Variants in DDX21 observed in about 807,000 individuals in gnomAD.
DDX21 encodes DExD-box helicase 21.
A neutral mutation model predicts 90.0 loss-of-function variants in DDX21; 18 were observed. The ratio of observed to expected loss-of-function variants is 0.20; its 90% CI spans 0.14 to 0.30. The LOEUF is 0.30. Among genes scored for constraint, DDX21 ranks in the 10% least tolerant of loss-of-function variants. DDX21 has a pLI of 1.00. For missense variants in DDX21, 673 were observed against 944.5 expected (o/e 0.71, Z 3.77); for synonymous variants, 294 against 318.0 (o/e 0.92, Z 0.80).
intron 1 of DDX21, 51 bp from the exon 2 acceptor site, chr10:68,959,755 T>C: frequency 7.8e-7 from 1 of 1,274,690 alleles, no homozygotes; most frequent in Non-Finnish European, 1.1e-6. Context: ...ATGTTGCAAA[T>C]GTATAAATGC....
At chr10:68,962,244 G>A (rs1448791963) in intron 3 of DDX21, 87 bp downstream of exon 3, 2 of 1,015,102 alleles carry the variant, frequency 2.0e-6, no homozygotes, top group Non-Finnish European at 3.0e-6. Context: ...GAACCAGGAT[G>A]TATTCTTATT....
chr10:68,956,550 A>C (rs531195964), intron 1 of DDX21: 2 of 1,361,452 alleles, frequency 1.5e-6, no homozygotes, highest in South Asian at 3.1e-5. Context: ...CTGAGCTTAT[A>C]GGCATCCACA....
chr10:68,960,704 C>T (rs779640394), intron 2 of DDX21, among the ~76,000 whole-genome samples: 1 of 151,348 alleles, frequency 6.6e-6, no homozygotes, highest in Non-Finnish European at 1.5e-5. Flanking sequence ...CCCAGGTGAT[C>T]TGCCCGCCTG....
intron 8 of DDX21, 39 bp from the exon 9 acceptor site, chr10:68,971,852 T>C: frequency 1.3e-6 from 2 of 1,597,522 alleles, no homozygotes; most frequent in Non-Finnish European, 8.6e-7. Context: ...ACTTGTATTG[T>C]TGGAACTGGT....
At chr10:68,973,479 A>G in intron 9 of DDX21, 66 bp from the exon 10 acceptor site, 2 of 1,588,296 alleles carry the variant, frequency 1.3e-6, no homozygotes. Context: ...ACTGACCTGC[A>G]TAGGCTACTC....
intron 4 of DDX21, 78 bp from the exon 5 acceptor site, chr10:68,965,299 G>A (rs937068306): frequency 2.7e-6 from 3 of 1,127,566 alleles, no homozygotes; most frequent in Admixed American, 2.0e-5. Context: ...TTCTTTTCCT[G>A]GAATGCTGTT....
intron 13 of DDX21, among the ~76,000 whole-genome samples, chr10:68,979,217 A>C (rs1843151995): frequency 6.6e-6 from 1 of 152,070 alleles, no homozygotes; most frequent in African/African-American, 2.4e-5. Flanking sequence ...TGACATCTCT[A>C]CCTAAATAGC....
intron 5 of DDX21, among the ~76,000 whole-genome samples, chr10:68,966,523 A>G (rs1842940250): frequency 6.6e-6 from 1 of 151,020 alleles, no homozygotes; most frequent in South Asian, 2.1e-4. Context: ...GCTCACTGCA[A>G]CCTCTGTTGC....
At chr10:68,965,146 T>G (rs1019437455) in intron 4 of DDX21, among the ~76,000 whole-genome samples, 2 of 152,172 alleles carry the variant, frequency 1.3e-5, no homozygotes, top group Non-Finnish European at 1.5e-5. Context: ...TCAAGTTATT[T>G]ATCCTCTAAT....
intron 14 of DDX21, among the ~76,000 whole-genome samples, chr10:68,982,062 G>A (rs888087563): frequency 3.9e-5 from 6 of 151,976 alleles, no homozygotes; most frequent in South Asian, 2.1e-4. Context: ...TAGTAGAGAC[G>A]GGGGTTTCGC....
intron 13 of DDX21, among the ~76,000 whole-genome samples, chr10:68,980,475 C>G (rs1843169724): frequency 6.6e-6 from 1 of 152,114 alleles, no homozygotes; most frequent in South Asian, 2.1e-4. Context: ...CAGTGAATGC[C>G]TGGGATTATA....
At position 68,981,467 on chromosome 10, in the gene DDX21, C is replaced by T. The variant is rs550778033; in HGVS notation, c.2038-70C>T. On this transcript the variant is annotated intron_variant, in intron 13 of 14. Transcript: ENST00000354185. ...TTTGTTTTCTTTTTTTTAAAGAATA[C>T]GTGGTCTTTTAAAGGGAGTATTTTT... 2.0e-5 allele frequency: 26 copies of T among 1,300,098 alleles called. 1 individual carries two copies. The highest frequency in any genetic ancestry group is 1.9e-4 in the Middle Eastern group (1 of 5,348). 80.5% of individuals were successfully genotyped at this position (1,300,098 alleles called of 1,614,324 possible). A position where few individuals can be genotyped will look rare whatever the true frequency, so the allele number is the denominator to read the frequency against.
chr10:68,980,832 CAAAAA>C (rs11340675), intron 13 of DDX21, among the ~76,000 whole-genome samples: 2 of 99,620 alleles, frequency 2.0e-5, no homozygotes. Context: ...CTGTCTCTAC[CAAAAA>C]AAAAAAAAAA....
Position 68,973,673 on chromosome 10 carries a change from A to G in DDX21, c.1668+9A>G, listed in dbSNP as rs200221978. 1.9e-4 allele frequency: 298 copies of G among 1,608,238 alleles called. 2 individuals are homozygous for G. In the African/African-American group the frequency reaches 3.6e-3, roughly 19 times the overall value. ...AAGTGGAGCAAAAAGCGGTAAAACT[A>G]TTCTTACCTTTCATTAAGCAAATGT... On this transcript the variant is annotated intron_variant, in intron 10 of 14. Transcript: ENST00000354185.
chr10:68,976,049 CAAAA>C (rs58243000), intron 11 of DDX21, among the ~76,000 whole-genome samples: 5 of 136,460 alleles, frequency 3.7e-5, no homozygotes, highest in African/African-American at 2.8e-5. Flanking sequence ...AACTCTGTCT[CAAAA>C]AAAAAAAAAA....
At chr10:68,962,030 TTAA>T (rs1357963532) in intron 2 of DDX21, 49 bp from the exon 3 acceptor site, 17 of 1,384,828 alleles carry the variant, frequency 1.2e-5, no homozygotes, top group Non-Finnish European at 1.7e-5. Context: ...AGGTTCTCTA[TTAA>T]TTTGTGTAGG....
chr10:68,962,310 C>G (rs1384386931), intron 3 of DDX21, among the ~76,000 whole-genome samples, 153 bp downstream of exon 3: 1 of 152,132 alleles, frequency 6.6e-6, no homozygotes, highest in East Asian at 1.9e-4. Context: ...CAATTTAGTA[C>G]TATAGTAGTG....
intron 2 of DDX21, 30 bp from the exon 3 acceptor site, chr10:68,962,052 G>T: frequency 6.4e-7 from 1 of 1,553,840 alleles, no homozygotes; most frequent in South Asian, 1.1e-5. Context: ...GGTGATTATT[G>T]ATTTCTTTCT....
rs1324677145 is a variant in DDX21 at position 68,956,327 on chromosome 10, C to G, written c.87+15C>G. ...AAACCGAGGAGGTGAAACGGAGGGACCTGGGGCCAGGAGGGACGCTGAATG... is the reference window on the plus strand; with the variant it reads ...AAACCGAGGAGGTGAAACGGAGGGAGCTGGGGCCAGGAGGGACGCTGAATG... On this transcript the variant is annotated intron_variant, in intron 1 of 14. Coordinates refer to ENST00000354185, the MANE Select transcript of DDX21 (RefSeq NM_004728.4). 1.2e-6 allele frequency: 2 copies of G among 1,613,850 alleles called. No individual in the cohort carries two copies. Among genetic ancestry groups the G allele is most frequent in the Admixed American group, 1.7e-5 (1 of 59,988 alleles).
Sources: allele counts gnomAD v4.1 joint callset (sites outside exome capture counted in the v4.1 genomes callset), GRCh38; gene constraint gnomAD v4.1.1; transcripts MANE v1.5; gene names NCBI Gene and HGNC (gene_info 2026-07-23, HGNC 2026-07-21).